Variants in TAF13 observed in about 807,000 individuals in gnomAD.
The protein encoded by TAF13 is TATA-box binding protein associated factor 13.
In TAF13, 9 loss-of-function variants were observed where a neutral mutation model predicts 18.7. That is an observed-to-expected ratio of 0.48 (90% CI 0.29 to 0.84). The LOEUF (loss-of-function observed/expected upper bound fraction) is 0.84, where lower values mean the gene tolerates loss of function less well. Among genes scored for constraint, TAF13 ranks in the 40% least tolerant of loss-of-function variants. TAF13 has a pLI of 0.08. For missense variants in TAF13, 105 were observed against 146.5 expected, an observed-to-expected ratio of 0.72 and a Z score of 1.46; for synonymous variants, 49 against 44.1, an observed-to-expected ratio of 1.11 and a Z score of -0.44.
At position 109,073,296 on chromosome 1, in the gene TAF13, T is replaced by C. The variant is rs572385322; in HGVS notation, c.106+1691A>G. 1.8e-4 allele frequency among the ~76,000 whole-genome samples: 27 copies of C among 152,036 alleles called. No homozygotes were observed. The South Asian group carries it at 5.2e-3, about 29-fold the overall frequency. ...GGCTCACGCCTGTAATCCCAGCACT[T>C]TGGGAGGCCGAGGCAGGCGGATCAC... On this transcript the variant is annotated intron_variant, in intron 2 of 3. Coordinates refer to ENST00000338366, the MANE Select transcript of TAF13 (RefSeq NM_005645.4).
chr1:109,066,740 A>G (rs1663957581), intron 2 of TAF13, among the ~76,000 whole-genome samples: 1 of 152,152 alleles, frequency 6.6e-6, no homozygotes. Flanking sequence ...TTCTTGAGAC[A>G]GAGTCTCGCT....
rs35296800 is a variant in TAF13 at position 109,064,156 on chromosome 1, C to CAAAAAAAAAAAAAAAAAAAAAAAAAAAA, written c.*366_*367insTTTTTTTTTTTTTTTTTTTTTTTTTTTT. 4.2e-5 allele frequency: 2 copies of CAAAAAAAAAAAAAAAAAAAAAAAAAAAA among 47,096 alleles called. 1 individual carries two copies. The allele number at this position is 47,096 out of a possible 1,614,324, so 2.9% of individuals were successfully genotyped here. A position where few individuals can be genotyped will look rare whatever the true frequency, so the allele number is the denominator to read the frequency against. On this transcript the variant is annotated 3_prime_UTR_variant, in exon 4 of 4. Coordinates refer to ENST00000338366, the MANE Select transcript of TAF13 (RefSeq NM_005645.4). ...CTGCCAACATAGTGAGACTCCATCT[C>CAAAAAAAAAAAAAAAAAAAAAAAAAAAA]AAAAAAAAAAAAAAAAAAAAAAAAA...
Position 109,073,987 on chromosome 1 carries a change from G to C in TAF13, c.106+1000C>G, listed in dbSNP as rs553503304. On this transcript the variant is annotated intron_variant, in intron 2 of 3. Transcript: ENST00000338366. ...AGCGCCTCTGCCCGGCCACGACCCC[G>C]TCTGGGAACTGAGGAGCGCCTCCGC... Among the ~76,000 whole-genome samples the C allele has an allele frequency of 2.6e-5, 4 of 151,900 alleles. No individual in the cohort carries two copies. In the East Asian group the frequency reaches 7.8e-4, roughly 29 times the overall value.
chr1:109,071,953 AG>A (rs1664062191), intron 2 of TAF13, among the ~76,000 whole-genome samples: 2 of 59,858 alleles, frequency 3.3e-5, no homozygotes, highest in Non-Finnish European at 7.4e-5. Flanking sequence ...TGTCTCAAAA[AG>A]AAAATATATA....
chr1:109,069,200 TGA>T (rs1664007431), intron 2 of TAF13, among the ~76,000 whole-genome samples: 1 of 94,366 alleles, frequency 1.1e-5, no homozygotes, highest in African/African-American at 3.4e-5. Flanking sequence ...TACAAGTGTG[TGA>T]GTGTGTGTGT....
chr1:109,074,905 T>G (rs1035632584), intron 2 of TAF13, 82 bp downstream of exon 2: 126 of 1,045,178 alleles, frequency 1.2e-4, no homozygotes, highest in Non-Finnish European at 1.7e-4. Context: ...AGGGAAACAT[T>G]CAAAGCAATA....
Position 109,070,095 on chromosome 1 carries a change from GT to G in TAF13, c.107-3864del, listed in dbSNP as rs140553696. Among the ~76,000 whole-genome samples, 580 of 152,290 alleles carry G rather than the reference GT, an allele frequency of 3.8e-3. 1 individual carries two copies. Among genetic ancestry groups the G allele is most frequent in the African/African-American group, 0.013 (552 of 41,562 alleles). On this transcript the variant is annotated intron_variant, in intron 2 of 3. Coordinates refer to ENST00000338366, the MANE Select transcript of TAF13 (RefSeq NM_005645.4). Reference sequence around the variant, plus strand: ...TACAGACTTCATTCAGATTTTACAAGTTTTTCCACCAATGTCCTTTTTCTGT... The same window carrying G: ...TACAGACTTCATTCAGATTTTACAAGTTTTCCACCAATGTCCTTTTTCTGT...
chr1:109,072,373 G>A (rs1425496180), intron 2 of TAF13, among the ~76,000 whole-genome samples: 1 of 151,482 alleles, frequency 6.6e-6, no homozygotes, highest in East Asian at 1.9e-4. Flanking sequence ...TGCCAAAAAG[G>A]GTCAAAACCG....
chr1:109,070,364 G>A (rs1664028040), intron 2 of TAF13, among the ~76,000 whole-genome samples: 1 of 152,092 alleles, frequency 6.6e-6, no homozygotes, highest in South Asian at 2.1e-4. Context: ...GACTACAGGT[G>A]CAGGCCACCA....
chr1:109,074,851 G>T, intron 2 of TAF13, 136 bp downstream of exon 2: 1 of 670,796 alleles, frequency 1.5e-6, no homozygotes, highest in Non-Finnish European at 2.5e-6. Flanking sequence ...TGATTCAAAA[G>T]TTAAACAGAA....
At chr1:109,068,470 T>C (rs1663988316) in intron 2 of TAF13, among the ~76,000 whole-genome samples, 1 of 152,090 alleles carries the variant, frequency 6.6e-6, no homozygotes, top group Non-Finnish European at 1.5e-5. Flanking sequence ...GGGGTCTTGC[T>C]ATGTTGCCTA....
chr1:109,075,427 T>C (rs1664163205), intron 1 of TAF13, among the ~76,000 whole-genome samples: 2 of 152,234 alleles, frequency 1.3e-5, no homozygotes, highest in Non-Finnish European at 1.5e-5. Context: ...GCAAAACTAA[T>C]ATTTCCTATG....
chr1:109,071,431 G>C (rs1467887822), intron 2 of TAF13, among the ~76,000 whole-genome samples: 5 of 149,306 alleles, frequency 3.3e-5, no homozygotes, highest in African/African-American at 9.9e-5. Context: ...ACAGAGCAAG[G>C]CTCCATCTCA....
At chr1:109,068,040 C>A (rs1663981443) in intron 2 of TAF13, among the ~76,000 whole-genome samples, 1 of 152,178 alleles carries the variant, frequency 6.6e-6, no homozygotes, top group Admixed American at 6.6e-5. Context: ...GTCGCCCAGG[C>A]TGGAGTGGTG....
intron 2 of TAF13, among the ~76,000 whole-genome samples, chr1:109,074,116 G>C (rs1664136125): frequency 6.6e-6 from 1 of 152,228 alleles, no homozygotes; most frequent in African/African-American, 2.4e-5. Context: ...GATGACGATG[G>C]CGGTTTTGTC....
At chr1:109,072,125 T>A (rs1237251215) in intron 2 of TAF13, among the ~76,000 whole-genome samples, 2 of 121,432 alleles carry the variant, frequency 1.6e-5, no homozygotes, top group African/African-American at 3.1e-5. Flanking sequence ...TACACACATA[T>A]ATATATATAT....
intron 3 of TAF13, among the ~76,000 whole-genome samples, 194 bp downstream of exon 3, chr1:109,065,941 A>C (rs554857776): frequency 6.6e-6 from 1 of 151,984 alleles, no homozygotes; most frequent in Non-Finnish European, 1.5e-5. Context: ...AAAAAACAAA[A>C]GGAAGAAGGG....
intron 2 of TAF13, among the ~76,000 whole-genome samples, chr1:109,071,786 T>C (rs1405263453): frequency 2.6e-5 from 4 of 151,102 alleles, no homozygotes; most frequent in Admixed American, 2.6e-4. Context: ...ACCCTGTCTC[T>C]ACTAACAATA....
At chr1:109,068,032 C>T (rs974740966) in intron 2 of TAF13, among the ~76,000 whole-genome samples, 2 of 152,128 alleles carry the variant, frequency 1.3e-5, no homozygotes, top group Non-Finnish European at 2.9e-5. Context: ...TTGGCTCTGT[C>T]GCCCAGGCTG....
Sources: gnomAD v4.1 joint callset for allele counts (sites outside exome capture counted in the v4.1 genomes callset) on GRCh38, gnomAD v4.1.1 for gene constraint, MANE v1.5 for transcripts, NCBI Gene and HGNC (gene_info 2026-07-23, HGNC 2026-07-21) for gene names.